Variants in NBEA observed in about 807,000 individuals in gnomAD.
NBEA encodes the protein neurobeachin.
In NBEA, 44 loss-of-function variants were observed where a neutral mutation model predicts 343.4. The observed-to-expected ratio is 0.13, with a 90% confidence interval of 0.10 to 0.16. The LOEUF is 0.16. Ranked by LOEUF, NBEA falls within the 10% of genes least tolerant of loss-of-function variation. The pLI, the probability that NBEA is intolerant of heterozygous loss-of-function variation, is 1.00. For missense variants in NBEA, 2,555 were observed against 3,631.3 expected (o/e 0.70, Z 7.62); for synonymous variants, 1,175 against 1,238.7 (o/e 0.95, Z 1.08).
intron 40 of NBEA, among the ~76,000 whole-genome samples, chr13:35,463,278 G>A (rs1399166874): frequency 6.6e-6 from 1 of 152,110 alleles, no homozygotes; most frequent in African/African-American, 2.4e-5. Flanking sequence ...AGATGCTAAT[G>A]AGAAAAAAGA....
At chr13:35,321,140 C>T (rs1035663244) in intron 36 of NBEA, among the ~76,000 whole-genome samples, 5 of 151,876 alleles carry the variant, frequency 3.3e-5, no homozygotes, top group African/African-American at 9.7e-5. Flanking sequence ...CCCCTGCTGG[C>T]GAGGAGTTGT....
intron 38 of NBEA, among the ~76,000 whole-genome samples, chr13:35,368,261 C>T (rs1475126645): frequency 6.6e-6 from 1 of 151,516 alleles, no homozygotes; most frequent in Non-Finnish European, 1.5e-5. Context: ...TTTACTATCA[C>T]TCACATTATT....
intron 34 of NBEA, among the ~76,000 whole-genome samples, chr13:35,280,158 C>T (rs1201654569): frequency 1.3e-5 from 2 of 151,986 alleles, no homozygotes; most frequent in Non-Finnish European, 2.9e-5. Flanking sequence ...TACACAAAGT[C>T]CAACCAAATA....
intron 36 of NBEA, among the ~76,000 whole-genome samples, chr13:35,318,957 T>A (rs2037942316): frequency 6.6e-6 from 1 of 152,216 alleles, no homozygotes; most frequent in South Asian, 2.1e-4. Flanking sequence ...ATCCTCTTTA[T>A]CATTTTTTAC....
intron 36 of NBEA, among the ~76,000 whole-genome samples, chr13:35,340,233 C>T (rs1039759035): frequency 6.6e-6 from 1 of 151,966 alleles, no homozygotes; most frequent in Non-Finnish European, 1.5e-5. Flanking sequence ...ACCAAAATGC[C>T]CATTGACAAG....
chr13:35,503,363 T>C (rs2076960377), intron 41 of NBEA, among the ~76,000 whole-genome samples: 1 of 151,886 alleles, frequency 6.6e-6, no homozygotes, highest in African/African-American at 2.4e-5. Context: ...ATATAATTTT[T>C]ATAGATCATA....
chr13:35,308,982 T>C (rs2152832259), intron 35 of NBEA, among the ~76,000 whole-genome samples: 1 of 152,040 alleles, frequency 6.6e-6, no homozygotes, highest in South Asian at 2.1e-4. Context: ...TTTTTACAAT[T>C]TTCAAAATAG....
At chr13:35,623,195 A>T (rs923132621) in intron 48 of NBEA, among the ~76,000 whole-genome samples, 1 of 152,178 alleles carries the variant, frequency 6.6e-6, no homozygotes, top group Non-Finnish European at 1.5e-5. Context: ...CATTTTTCCA[A>T]TGTAAGTATT....
chr13:35,656,311 C>A (rs866089735), intron 55 of NBEA, among the ~76,000 whole-genome samples: 3 of 152,142 alleles, frequency 2.0e-5, no homozygotes, highest in Admixed American at 2.0e-4. Flanking sequence ...ACAGTGCACC[C>A]TAAGATATCC....
intron 17 of NBEA, among the ~76,000 whole-genome samples, chr13:35,136,413 A>G (rs2067731055): frequency 6.6e-6 from 1 of 152,226 alleles, no homozygotes; most frequent in East Asian, 1.9e-4. Context: ...GTATTAACTT[A>G]TCACACTGAG....
chr13:35,265,918 C>T (rs1006396697), intron 34 of NBEA, among the ~76,000 whole-genome samples: 1 of 151,756 alleles, frequency 6.6e-6, no homozygotes, highest in African/African-American at 2.4e-5. Context: ...AAGAAGTAAT[C>T]TACAGAGTAG....
chr13:35,443,725 A>T (rs1365570297), intron 39 of NBEA, among the ~76,000 whole-genome samples: 1 of 152,018 alleles, frequency 6.6e-6, no homozygotes, highest in Non-Finnish European at 1.5e-5. Flanking sequence ...ACTCAGTATC[A>T]GGTATAAAAG....
At chr13:35,659,772 C>A (rs1593499961) in intron 55 of NBEA, among the ~76,000 whole-genome samples, 1 of 152,004 alleles carries the variant, frequency 6.6e-6, no homozygotes, top group African/African-American at 2.4e-5. Flanking sequence ...CGGCTTTGAA[C>A]GTATAAATTA....
chr13:35,062,317 T>G (rs2063495811), intron 8 of NBEA, among the ~76,000 whole-genome samples: 1 of 151,648 alleles, frequency 6.6e-6, no homozygotes, highest in Non-Finnish European at 1.5e-5. Flanking sequence ...ATAGAAACTT[T>G]GAAGAGAGTT....
At chr13:35,468,676 C>A (rs1229151200) in intron 40 of NBEA, among the ~76,000 whole-genome samples, 1 of 151,996 alleles carries the variant, frequency 6.6e-6, no homozygotes, top group Non-Finnish European at 1.5e-5. Flanking sequence ...GTTTCTCTCA[C>A]TGCAATGAGT....
chr13:35,594,991 A>AC (rs35723951), intron 47 of NBEA, among the ~76,000 whole-genome samples: 24,448 of 142,626 alleles, frequency 0.17, 2,079 homozygotes, highest in African/African-American at 0.2. Context: ...ACACACACAC[A>AC]AATTGGCTTT....
Position 35,655,588 on chromosome 13 carries a change from C to T in NBEA, c.8201C>T (p.Thr2734Ile). The change falls in exon 55 of 59, where the codon ACT (threonine) becomes ATT (isoleucine). Residue 2734 changes from threonine to isoleucine, a missense_variant. Physicochemically the swap from Thr to Ile is moderately conservative, Grantham distance 89. Transcript: ENST00000379939. ...RVYSTETGKL[T>I]QIVFGHWDVV... is the part of the protein sequence containing the mutation. The stretch of plus-strand genomic sequence containing the variant: ...CATTTCTGTGTTGCAGGGAAATTGA[C>T]TCAGATTGTATTTGGCCATTGGGAT... 1 of 1,612,390 alleles carries T rather than the reference C, an allele frequency of 6.2e-7. No homozygotes were observed. Among genetic ancestry groups the T allele is most frequent in the Non-Finnish European group, 8.5e-7 (1 of 1,179,076 alleles).
At chr13:35,309,443 A>G in intron 35 of NBEA, 85 bp from the exon 36 acceptor site, 2 of 691,130 alleles carry the variant, frequency 2.9e-6, no homozygotes, top group East Asian at 3.0e-5. Flanking sequence ...GGAAGTTATT[A>G]ACAATATCAA....
intron 36 of NBEA, among the ~76,000 whole-genome samples, chr13:35,320,996 G>T (rs1045887661): frequency 6.6e-6 from 1 of 151,822 alleles, no homozygotes; most frequent in Non-Finnish European, 1.5e-5. Flanking sequence ...TTCCTCCAAC[G>T]TTTTTTTCGA....
Sources: allele counts gnomAD v4.1 joint callset (sites outside exome capture counted in the v4.1 genomes callset), GRCh38; gene constraint gnomAD v4.1.1; transcripts MANE v1.5; gene names NCBI Gene and HGNC (gene_info 2026-07-23, HGNC 2026-07-21).